SYNRG: variants seen among roughly 807,000 people sequenced by gnomAD.
SYNRG encodes synergin gamma, also known as AP1 gamma subunit binding protein 1.
A neutral mutation model predicts 130.9 loss-of-function variants in SYNRG; 37 were observed. That is an observed-to-expected ratio of 0.28 (90% CI 0.22 to 0.37). The LOEUF (loss-of-function observed/expected upper bound fraction) is 0.37. Ranked by LOEUF, SYNRG falls within the 10% of genes least tolerant of loss-of-function variation. SYNRG has a pLI of 1.00. For synonymous variants in SYNRG, 539 were observed against 568.1 expected (o/e 0.95, Z 0.73); for missense variants, 1,338 against 1,588.9 (o/e 0.84, Z 2.68).
At chr17:37,594,465 T>C (rs1003176624) in intron 3 of SYNRG, among the ~76,000 whole-genome samples, 27 of 145,694 alleles carry the variant, frequency 1.9e-4, no homozygotes, top group African/African-American at 2.7e-4. Context: ...TCTTCTTCTT[T>C]TTTTTTTTTT....
At position 37,577,504 on chromosome 17, in the gene SYNRG, A is replaced by T; in HGVS notation, c.699T>A (p.Gly233=). Residue 233 remains glycine (G), a synonymous_variant, in exon 7 of 22, where the codon GGT becomes GGA. Coordinates refer to ENST00000612223, the MANE Select transcript of SYNRG (RefSeq NM_007247.6). ...TTAAACTGGGATACTTCTTACTGGA[A>T]CCTGGGCCTAGGGCTTTGTGGCCAA... ...SEVGHKALGP[G]SSKKYPSLMA... is the part of the protein sequence containing the mutation. 6.2e-7 allele frequency: 1 copy of T among 1,614,138 alleles called. No individual in the cohort carries two copies. Among genetic ancestry groups the T allele is most frequent in the Non-Finnish European group, 8.5e-7 (1 of 1,180,030 alleles).
At chr17:37,568,629 A>G (rs569791624) in intron 11 of SYNRG, 162 bp downstream of exon 11, 3 of 690,528 alleles carry the variant, frequency 4.3e-6, no homozygotes, top group East Asian at 2.9e-5. Context: ...CAAAGGGGAG[A>G]GAAGTTTGAA....
At chr17:37,606,901 A>G (rs1235147335) in intron 1 of SYNRG, among the ~76,000 whole-genome samples, 1 of 152,176 alleles carries the variant, frequency 6.6e-6, no homozygotes, top group African/African-American at 2.4e-5. Flanking sequence ...TTCTTCAAAT[A>G]TACTTAGGTT....
chr17:37,539,072 C>T (rs1202955011), intron 17 of SYNRG, 120 bp downstream of exon 17: 1 of 1,510,836 alleles, frequency 6.6e-7, no homozygotes, highest in East Asian at 2.4e-5. Context: ...TACTCTTTGC[C>T]CAGGGACATC....
At position 37,585,318 on chromosome 17, in the gene SYNRG, A is replaced by G. The variant is rs931567704; in HGVS notation, c.477+7T>C. 5.0e-6 allele frequency: 8 copies of G among 1,609,012 alleles called. No individual in the cohort carries two copies. Among genetic ancestry groups the G allele is most frequent in the Admixed American group, 3.4e-5 (2 of 59,138 alleles). On this transcript the variant is annotated splice_region_variant and intron_variant, in intron 5 of 21. Transcript: ENST00000612223. ...GTTCTGGGTGAAGAGAAGTATTGAA[A>G]TACTACCTTGGGTTTCACACTGCTC...
intron 6 of SYNRG, chr17:37,579,134 G>A (rs1368601179): frequency 8.6e-7 from 1 of 1,166,338 alleles, no homozygotes; most frequent in Non-Finnish European, 1.1e-6. Context: ...AGAGTTACCT[G>A]CTTCTGGTAC....
At chr17:37,602,007 T>G (rs1318044989) in intron 1 of SYNRG, among the ~76,000 whole-genome samples, 1 of 151,554 alleles carries the variant, frequency 6.6e-6, no homozygotes, top group Non-Finnish European at 1.5e-5. Flanking sequence ...CAGAGTGAGA[T>G]TCCGTCTCAA....
At chr17:37,583,232 C>T (rs1038365168) in intron 6 of SYNRG, among the ~76,000 whole-genome samples, 1 of 152,092 alleles carries the variant, frequency 6.6e-6, no homozygotes, top group Admixed American at 6.6e-5. Flanking sequence ...CTGCCTTTCT[C>T]TACTTTTCCT....
chr17:37,593,746 T>G (rs1331299993), intron 3 of SYNRG, among the ~76,000 whole-genome samples: 1 of 151,774 alleles, frequency 6.6e-6, no homozygotes, highest in Non-Finnish European at 1.5e-5. Context: ...TAGCCGGGCG[T>G]GGTGGCACAT....
At chr17:37,549,860 G>T (rs2058579549) in intron 14 of SYNRG, among the ~76,000 whole-genome samples, 1 of 152,096 alleles carries the variant, frequency 6.6e-6, no homozygotes, top group African/African-American at 2.4e-5. Context: ...CCAAAGTGCT[G>T]GTACTACAGG....
chr17:37,535,477 T>G (rs1295313368), intron 19 of SYNRG, among the ~76,000 whole-genome samples: 1 of 152,230 alleles, frequency 6.6e-6, no homozygotes, highest in African/African-American at 2.4e-5. Context: ...ACTGACCTCC[T>G]AGTTCACTTG....
chr17:37,546,088 C>A (rs2058252344), intron 14 of SYNRG, among the ~76,000 whole-genome samples: 1 of 152,130 alleles, frequency 6.6e-6, no homozygotes, highest in African/African-American at 2.4e-5. Context: ...TTCTACATTT[C>A]TAAGCAGTCC....
chr17:37,542,375 A>G lies in SYNRG; in HGVS notation c.2799T>C (p.Phe933=), dbSNP rs770428494. ...TCATGGTGATGTTTTCAGAACTGCC[A>G]AATGAAGTCTCTTTCTTTTGAAGAA... The part of the protein sequence containing the change: ...TSILQKKETS[F]GSSENITMTS... The change falls in exon 15 of 22, where the codon TTT becomes TTC. Residue 933 remains phenylalanine (F), a synonymous_variant. Transcript: ENST00000612223. 4.3e-6 allele frequency: 7 copies of G among 1,614,214 alleles called. No individual in the cohort carries two copies. The Admixed American group carries it at 1.2e-4, about 27-fold the overall frequency.
intron 3 of SYNRG, among the ~76,000 whole-genome samples, chr17:37,595,171 G>C (rs1158122257): frequency 1.3e-5 from 2 of 152,144 alleles, no homozygotes; most frequent in Non-Finnish European, 2.9e-5. Flanking sequence ...GATAAAAAAT[G>C]ACACTGGAAG....
intron 10 of SYNRG, among the ~76,000 whole-genome samples, chr17:37,570,365 G>T (rs1480590026): frequency 2.1e-5 from 3 of 145,270 alleles, no homozygotes; most frequent in African/African-American, 7.4e-5. Context: ...TTTCAACAAG[G>T]CTGTACCAAT....
chr17:37,570,740 A>T lies in SYNRG; in HGVS notation c.1244T>A (p.Leu415His). 6.2e-7 allele frequency: 1 copy of T among 1,614,220 alleles called. No individual in the cohort carries two copies. Among genetic ancestry groups the T allele is most frequent in the Non-Finnish European group, 8.5e-7 (1 of 1,180,030 alleles). ...IPSGPAGSMPLSLGQPVMGIN... is the reference protein window; with the variant it reads ...IPSGPAGSMPHSLGQPVMGIN... ...GCCCATGACTGGCTGTCCAAGGCTGAGGGGCATGGAGCCCGCAGGACCTGA... is the reference window on the plus strand; with the variant it reads ...GCCCATGACTGGCTGTCCAAGGCTGTGGGGCATGGAGCCCGCAGGACCTGA... Residue 415 changes from leucine to histidine, a missense_variant, in exon 10 of 22, where the codon CTC (leucine) becomes CAC (histidine). Leu to His is a moderately conservative substitution (Grantham distance 99, BLOSUM62 -3). This residue lies in a region of SYNRG where 1,146 missense variants were observed against 1,342.3 expected (regional missense o/e 0.85). Coordinates refer to ENST00000612223, the MANE Select transcript of SYNRG (RefSeq NM_007247.6).
intron 16 of SYNRG, 81 bp downstream of exon 16, chr17:37,540,299 G>A: frequency 1.1e-5 from 17 of 1,516,932 alleles, no homozygotes; most frequent in Non-Finnish European, 1.4e-5. Context: ...TTCCCCATGT[G>A]AAAGCTGACA....
intron 6 of SYNRG, among the ~76,000 whole-genome samples, chr17:37,577,848 G>A (rs1483309721): frequency 2.2e-5 from 2 of 91,844 alleles, no homozygotes; most frequent in African/African-American, 8.5e-5. Context: ...ATAGGCGCCC[G>A]CCACCAAGCC....
At chr17:37,533,776 G>A (rs1376811394) in intron 19 of SYNRG, among the ~76,000 whole-genome samples, 6 of 150,070 alleles carry the variant, frequency 4.0e-5, no homozygotes, top group South Asian at 2.1e-4. Flanking sequence ...TAGTACAGAC[G>A]GGGTTGGTCA....
Sources: allele counts gnomAD v4.1 joint callset (sites outside exome capture counted in the v4.1 genomes callset), GRCh38; gene constraint gnomAD v4.1.1; regional missense constraint gnomAD v4.1.1; transcripts MANE v1.5; gene names NCBI Gene and HGNC (gene_info 2026-07-23, HGNC 2026-07-21).